The following GARNL3 variants were observed in gnomAD, a reference collection of about 807,000 sequenced individuals.
GARNL3 encodes the protein GTPase-activating Rap/Ran-GAP domain-like protein 3.
GARNL3 carries 63 observed loss-of-function variants against 125.0 expected under a neutral mutation model. That is an observed-to-expected ratio of 0.50 (90% confidence interval 0.41 to 0.62). The LOEUF is 0.62. GARNL3 is among the 20% of genes least tolerant of loss of function. GARNL3 has a pLI of 0.00. For missense variants in GARNL3, 994 were observed against 1,244.0 expected, an observed-to-expected ratio of 0.80 and a Z score of 3.02; for synonymous variants, 439 against 457.5, an observed-to-expected ratio of 0.96 and a Z score of 0.52.
At chr9:127,343,829 C>A (rs1246789325) in intron 14 of GARNL3, among the ~76,000 whole-genome samples, 1 of 152,152 alleles carries the variant, frequency 6.6e-6, no homozygotes, top group Non-Finnish European at 1.5e-5. Context: ...TCAAGGCGAC[C>A]CACAAGGCTG....
chr9:127,224,758 C>G (rs2062867008), intron 1 of GARNL3: 1 of 145,676 alleles, frequency 6.9e-6, no homozygotes, highest in African/African-American at 2.6e-5. Context: ...GGGTCTGTGC[C>G]GAGGGGCAAG....
At chr9:127,253,330 G>A (rs2063438923) in intron 2 of GARNL3, among the ~76,000 whole-genome samples, 1 of 152,208 alleles carries the variant, frequency 6.6e-6, no homozygotes, top group Admixed American at 6.5e-5. Flanking sequence ...TATTTGAAGG[G>A]CTTTCCTATA....
chr9:127,277,194 A>G (rs959664257), intron 1 of GARNL3, among the ~76,000 whole-genome samples: 2 of 152,144 alleles, frequency 1.3e-5, no homozygotes, highest in African/African-American at 4.8e-5. Flanking sequence ...ACAAGCTTAC[A>G]TTTTGAAAGT....
At chr9:127,241,067 A>C (rs1014378978) in intron 1 of GARNL3, among the ~76,000 whole-genome samples, 1 of 152,218 alleles carries the variant, frequency 6.6e-6, no homozygotes, top group Admixed American at 6.5e-5. Context: ...GGATGTCCCT[A>C]TTTCAGTTGC....
chr9:127,355,217 A>T, intron 19 of GARNL3, 80 bp from the exon 20 acceptor site: 1 of 1,155,594 alleles, frequency 8.7e-7, no homozygotes, highest in Non-Finnish European at 1.3e-6. Flanking sequence ...CAGGGTTCCT[A>T]GGTATTGCCA....
intron 1 of GARNL3, among the ~76,000 whole-genome samples, chr9:127,268,051 A>C (rs1252882531): frequency 6.6e-6 from 1 of 152,222 alleles, no homozygotes; most frequent in Non-Finnish European, 1.5e-5. Flanking sequence ...GACTCATGGG[A>C]GAACTACTTA....
intron 14 of GARNL3, among the ~76,000 whole-genome samples, chr9:127,343,002 A>G (rs1829950961): frequency 6.7e-6 from 1 of 149,496 alleles, no homozygotes; most frequent in South Asian, 2.1e-4. Context: ...GGTTCAAGCA[A>G]TTCTCCTACC....
intron 2 of GARNL3, among the ~76,000 whole-genome samples, chr9:127,248,996 G>C (rs573072368): frequency 5.1e-4 from 78 of 152,228 alleles, no homozygotes; most frequent in African/African-American, 1.8e-3. Context: ...TTATTAATAA[G>C]TTCCCAAAGC....
At chr9:127,273,088 CA>C (rs780266275) in intron 1 of GARNL3, among the ~76,000 whole-genome samples, 2 of 152,062 alleles carry the variant, frequency 1.3e-5, no homozygotes, top group Admixed American at 6.6e-5. Context: ...TTAATCCCCA[CA>C]AAAAACCATA....
intron 16 of GARNL3, among the ~76,000 whole-genome samples, chr9:127,348,636 A>C (rs1830267146): frequency 6.6e-6 from 1 of 152,242 alleles, no homozygotes; most frequent in Non-Finnish European, 1.5e-5. Flanking sequence ...CTTCCTTAGA[A>C]ACCATTACGA....
intron 3 of GARNL3, 135 bp downstream of exon 3, chr9:127,311,870 G>T (rs1234318209): frequency 7.2e-5 from 44 of 612,518 alleles, no homozygotes; most frequent in Non-Finnish European, 5.8e-6. Flanking sequence ...TCACTTCAAG[G>T]TCAGTAGTAA....
intron 4 of GARNL3, among the ~76,000 whole-genome samples, chr9:127,313,902 G>C (rs1455585029): frequency 6.6e-6 from 1 of 152,142 alleles, no homozygotes; most frequent in East Asian, 1.9e-4. Context: ...CTCCTCTTGT[G>C]GTTGGTATTT....
intron 21 of GARNL3, among the ~76,000 whole-genome samples, chr9:127,360,919 GT>G (rs555294635): frequency 9.3e-4 from 142 of 152,352 alleles, no homozygotes; most frequent in African/African-American, 3.3e-3. Flanking sequence ...CACTGTACCA[GT>G]GGGCCTGCTG....
intron 17 of GARNL3, among the ~76,000 whole-genome samples, chr9:127,350,777 A>G (rs1830385969): frequency 6.7e-6 from 1 of 148,982 alleles, no homozygotes. Flanking sequence ...CTCCATCTCA[A>G]AAAAAAAAAA....
At chr9:127,370,268 C>T (rs1300453434) in intron 22 of GARNL3, among the ~76,000 whole-genome samples, 1 of 152,178 alleles carries the variant, frequency 6.6e-6, no homozygotes, top group African/African-American at 2.4e-5. Flanking sequence ...CCCCGCAGCA[C>T]AGGCCTTGAT....
At chr9:127,273,988 C>G (rs940320791) in intron 1 of GARNL3, among the ~76,000 whole-genome samples, 1 of 152,090 alleles carries the variant, frequency 6.6e-6, no homozygotes, top group African/African-American at 2.4e-5. Context: ...TTGATTTTTC[C>G]TTGTTCTGAG....
At chr9:127,339,941 C>T (rs1056994641) in intron 13 of GARNL3, among the ~76,000 whole-genome samples, 190 bp downstream of exon 13, 3 of 152,164 alleles carry the variant, frequency 2.0e-5, no homozygotes, top group Non-Finnish European at 4.4e-5. Flanking sequence ...TCATCCCCAC[C>T]TTCCATCCTG....
intron 13 of GARNL3, among the ~76,000 whole-genome samples, chr9:127,341,580 G>C (rs1396438727): frequency 2.0e-5 from 3 of 152,222 alleles, no homozygotes; most frequent in African/African-American, 7.2e-5. Context: ...GTAGCTACTG[G>C]AAGCTGAAAG....
chr9:127,274,419 T>C (rs2063900840), intron 1 of GARNL3, among the ~76,000 whole-genome samples: 1 of 152,226 alleles, frequency 6.6e-6, no homozygotes, highest in Non-Finnish European at 1.5e-5. Context: ...CTTGGGAACC[T>C]TGATACCAGA....
Sources: gnomAD v4.1 joint callset for allele counts (sites outside exome capture counted in the v4.1 genomes callset) on GRCh38, gnomAD v4.1.1 for gene constraint, MANE v1.5 for transcripts, NCBI Gene and HGNC (gene_info 2026-07-23, HGNC 2026-07-21) for gene names.